The following APOBEC3G variants were observed in gnomAD, a reference collection of about 807,000 sequenced individuals.
APOBEC3G encodes the protein DNA dC->dU-editing enzyme APOBEC-3G.
Under a neutral mutation model 50.0 loss-of-function variants are expected in APOBEC3G, and 44 were observed. The observed-to-expected ratio is 0.88, with a 90% confidence interval of 0.69 to 1.13. APOBEC3G has a LOEUF of 1.13. Ranked by LOEUF, APOBEC3G falls within the 50% of genes most tolerant of loss-of-function variation. The pLI is 0.00. For missense variants in APOBEC3G, 469 were observed against 492.0 expected (o/e 0.95, Z 0.44); for synonymous variants, 156 against 175.3 (o/e 0.89, Z 0.87).
In APOBEC3G at chr22:39,087,612, T is replaced by A; in HGVS notation, c.*191T>A. The A allele has an allele frequency of 8.8e-7, 1 of 1,139,918 alleles. No individual in the cohort carries two copies. Among genetic ancestry groups the A allele is most frequent in the Non-Finnish European group, 1.2e-6 (1 of 816,578 alleles). 70.6% of individuals were successfully genotyped at this position (1,139,918 alleles called of 1,614,324 possible). A position where few individuals can be genotyped will look rare whatever the true frequency, so the allele number is the denominator to read the frequency against. The stretch of plus-strand genomic sequence containing the variant: ...AGTGCATTACTTTGAATCAAAAATT[T>A]ATTTATATTTCAAGAATAAAGTACT... On this transcript the variant is annotated 3_prime_UTR_variant, in exon 8 of 8. Transcript: ENST00000407997.
chr22:39,083,811 G>C lies in APOBEC3G; in HGVS notation c.662G>C (p.Cys221Ser). ...AGAGGACGGCATGAGACTTACCTGTGTTATGAGGTGGAGCGCATGCACAAT... is the reference window on the plus strand; with the variant it reads ...AGAGGACGGCATGAGACTTACCTGTCTTATGAGGTGGAGCGCATGCACAAT... ...WVRGRHETYL[C>S]YEVERMHNDT... The change falls in exon 5 of 8, where the codon TGT becomes TCT. Residue 221 changes from cysteine (C) to serine (S), a missense_variant. By Grantham distance (112) the Cys-to-Ser change is moderately radical. Transcript: ENST00000407997. 1.9e-6 allele frequency: 3 copies of C among 1,614,084 alleles called. No individual in the cohort carries two copies. Among genetic ancestry groups the C allele is most frequent in the Non-Finnish European group, 2.5e-6 (3 of 1,179,956 alleles).
At chr22:39,081,293 C>T in intron 3 of APOBEC3G, 66 bp downstream of exon 3, 1 of 1,580,896 alleles carries the variant, frequency 6.3e-7, no homozygotes, top group South Asian at 1.2e-5. Flanking sequence ...GTCCTTCCCA[C>T]ACATACCTGT....
chr22:39,085,119 C>A (rs190071884), intron 5 of APOBEC3G, among the ~76,000 whole-genome samples: 408 of 152,312 alleles, frequency 2.7e-3, no homozygotes, highest in Non-Finnish European at 4.3e-3. Context: ...CTGCACTGGA[C>A]TCCTGGGCTT....
Position 39,083,743 on chromosome 22 carries a change from T to C in APOBEC3G, c.594T>C (p.Asp198=). ...MLGEILRHSM[D]PPTFTFNFNN... is the part of the protein sequence containing the mutation. ...CCCCACTTTCCAGACACTCGATGGA[T>C]CCACCCACATTCACTTTCAACTTTA... is the stretch of plus-strand genomic sequence containing the variant. Residue 198 remains aspartate, a synonymous_variant, in exon 5 of 8, where the codon GAT becomes GAC. Coordinates refer to ENST00000407997, the MANE Select transcript of APOBEC3G (RefSeq NM_021822.4). 1 of 1,613,862 alleles carries C rather than the reference T, an allele frequency of 6.2e-7. No individual in the cohort carries two copies. The highest frequency in any genetic ancestry group is 8.5e-7 in the Non-Finnish European group (1 of 1,179,832).
chr22:39,085,383 G>T (rs1928648299), intron 5 of APOBEC3G, among the ~76,000 whole-genome samples: 1 of 152,120 alleles, frequency 6.6e-6, no homozygotes, highest in African/African-American at 2.4e-5. Flanking sequence ...GAATTGACGG[G>T]TAGACAGGTC....
chr22:39,084,030 T>C (rs1043705675), intron 5 of APOBEC3G, 146 bp downstream of exon 5: 1 of 1,106,078 alleles, frequency 9.0e-7, no homozygotes, highest in Non-Finnish European at 1.2e-6. Context: ...GGCCCTGGGG[T>C]TGGGGGAGAC....
chr22:39,081,711 C>T, intron 4 of APOBEC3G, 126 bp downstream of exon 4: 2 of 727,562 alleles, frequency 2.7e-6, no homozygotes, highest in South Asian at 1.7e-5. Context: ...CTCCTGCCCC[C>T]TGCCTGCCCT....
rs777373075 is a variant in APOBEC3G at position 39,079,094 on chromosome 22, C to T, written c.171+9C>T. Reference sequence around the variant, plus strand: ...AGATCTTTCGAGGCCAGGTACCACCCGGACTCCAATCACTTTGCAGGCAGG... The same window carrying T: ...AGATCTTTCGAGGCCAGGTACCACCTGGACTCCAATCACTTTGCAGGCAGG... On this transcript the variant is annotated intron_variant, in intron 2 of 7. Transcript: ENST00000407997. 1.9e-5 allele frequency: 30 copies of T among 1,613,678 alleles called. No individual in the cohort carries two copies. The highest frequency in any genetic ancestry group is 2.3e-5 in the Non-Finnish European group (27 of 1,179,894).
At chr22:39,083,976 T>C in intron 5 of APOBEC3G, 92 bp downstream of exon 5, 2 of 1,460,104 alleles carry the variant, frequency 1.4e-6, no homozygotes, top group South Asian at 2.7e-5. Flanking sequence ...TGTGGTGTCC[T>C]GCAGAGTGTC....
chr22:39,082,844 C>A (rs1928531839), intron 4 of APOBEC3G: 1 of 152,434 alleles, frequency 6.6e-6, no homozygotes, highest in Non-Finnish European at 1.5e-5. Flanking sequence ...AGCCCCTCCA[C>A]CCAGATGTTC....
chr22:39,081,186 G>GACACATGGTCCGCGTGCCACCATGA lies in APOBEC3G; in HGVS notation c.426_427insCACATGGTCCGCGTGCCACCATGAA (p.Asp143HisfsTer8). ...GCGCTTCGCAGCCTGTGTCAGAAAA[G>GACACATGGTCCGCGTGCCACCATGA]AGACGGTCCGCGTGCCACCATGAAG... On this transcript the variant is annotated stop_gained and frameshift_variant, in exon 3 of 8. Transcript: ENST00000407997. LOFTEE classifies it high-confidence loss of function. The GACACATGGTCCGCGTGCCACCATGA allele has an allele frequency of 6.2e-7, 1 of 1,614,258 alleles. No homozygotes were observed.
rs1356260538 is a variant in APOBEC3G at position 39,083,736 on chromosome 22, C to A, written c.587C>A (p.Ser196Ter). ...GCTTTTCCCCCACTTTCCAGACACT[C>A]GATGGATCCACCCACATTCACTTTC... ...HIMLGEILRH[S>*]MDPPTFTFNF... The change falls in exon 5 of 8, where the codon TCG (serine) becomes TAG (stop). Residue 196 changes from serine to a stop codon, truncating the protein, a stop_gained. Transcript: ENST00000407997. LOFTEE classifies it high-confidence loss of function. 11 of 1,613,614 alleles carry A rather than the reference C, an allele frequency of 6.8e-6. No homozygotes were observed. The highest frequency in any genetic ancestry group is 7.6e-6 in the Non-Finnish European group (9 of 1,179,770).
Position 39,087,448 on chromosome 22 carries a change from G to C in APOBEC3G, c.*27G>C, listed in dbSNP as rs370524223. ...GGATGGGCCTCAGTCTCTAAGGAAG[G>C]CAGAGACCTGGGTTGAGCCTCAGAA... On this transcript the variant is annotated 3_prime_UTR_variant, in exon 8 of 8. Coordinates refer to ENST00000407997, the MANE Select transcript of APOBEC3G (RefSeq NM_021822.4). The C allele has an allele frequency of 1.9e-5, 30 of 1,613,802 alleles. No homozygotes were observed. In the African/African-American group the frequency reaches 3.6e-4, roughly 19 times the overall value.
At position 39,086,337 on chromosome 22, in the gene APOBEC3G, T is replaced by C; in HGVS notation, c.794T>C (p.Val265Ala). The change falls in exon 6 of 8, where the codon GTG (valine) becomes GCG (alanine). Residue 265 changes from valine (V) to alanine (A), a missense_variant. By Grantham distance (64) the Val-to-Ala change is moderately conservative (BLOSUM62 0). Transcript: ENST00000407997. Reference sequence around the variant, plus strand: ...CATGCAGAGCTGTGCTTCCTGGACGTGATTCCCTTTTGGAAGCTGGACCTG... The same window carrying C: ...CATGCAGAGCTGTGCTTCCTGGACGCGATTCCCTTTTGGAAGCTGGACCTG... ...GRHAELCFLD[V>A]IPFWKLDLDQ... The C allele has an allele frequency of 6.2e-7, 1 of 1,613,720 alleles. No individual in the cohort carries two copies. Among genetic ancestry groups the C allele is most frequent in the Non-Finnish European group, 8.5e-7 (1 of 1,179,710 alleles).
chr22:39,084,322 T>A (rs1928604916), intron 5 of APOBEC3G, among the ~76,000 whole-genome samples: 1 of 152,104 alleles, frequency 6.6e-6, no homozygotes, highest in Non-Finnish European at 1.5e-5. Flanking sequence ...GGTCAGGAGA[T>A]CAAGACCATC....
rs569291819 is a variant in APOBEC3G, at chr22:39,080,641, G to A, written c.172-292G>A. ...AGCTAGAGGGCAAGAGACAGAAAGA[G>A]GGGCTGAAGTCGCCCTTGAATAACC... On this transcript the variant is annotated intron_variant, in intron 2 of 7. Transcript: ENST00000407997. The A allele has an allele frequency of 9.9e-6, 4 of 403,768 alleles. No homozygotes were observed. The South Asian group carries it at 1.5e-4, about 15-fold the overall frequency. 25.0% of individuals were successfully genotyped at this position (403,768 alleles called of 1,614,324 possible).
intron 2 of APOBEC3G, 58 bp from the exon 3 acceptor site, chr22:39,080,875 C>T (rs1352909731): frequency 2.2e-5 from 31 of 1,427,734 alleles, no homozygotes; most frequent in Non-Finnish European, 3.0e-5. Context: ...CCTGCCCCAC[C>T]CCTGCTCTCC....
intron 5 of APOBEC3G, among the ~76,000 whole-genome samples, chr22:39,085,072 G>A (rs1928634682): frequency 6.6e-6 from 1 of 152,192 alleles, no homozygotes; most frequent in African/African-American, 2.4e-5. Flanking sequence ...CCCCTTCTCA[G>A]CACAAATCGT....
chr22:39,081,214 C>A lies in APOBEC3G; in HGVS notation c.453C>A (p.Ile151=). ...KRDGPRATMK[I]MNYDEFQHCW... is the part of the protein sequence containing the mutation. ...ACGGTCCGCGTGCCACCATGAAGATCATGAATTATGACGGTGAGAAGTGGG... is the reference window on the plus strand; with the variant it reads ...ACGGTCCGCGTGCCACCATGAAGATAATGAATTATGACGGTGAGAAGTGGG... The change falls in exon 3 of 8, where the codon ATC becomes ATA. Residue 151 remains isoleucine, a synonymous_variant. Transcript: ENST00000407997. 3.7e-6 allele frequency: 6 copies of A among 1,614,060 alleles called. No homozygotes were observed. The highest frequency in any genetic ancestry group is 5.1e-6 in the Non-Finnish European group (6 of 1,179,954).
Sources: allele counts gnomAD v4.1 joint callset (sites outside exome capture counted in the v4.1 genomes callset), GRCh38; gene constraint gnomAD v4.1.1; transcripts MANE v1.5; gene names NCBI Gene and HGNC (gene_info 2026-07-23, HGNC 2026-07-21).